The following ROCK2 variants were observed in gnomAD, a reference collection of about 807,000 sequenced individuals.
ROCK2 encodes the protein rho-associated protein kinase 2.
A neutral mutation model predicts 195.1 loss-of-function variants in ROCK2; 61 were observed. The observed-to-expected ratio is 0.31, with a 90% confidence interval of 0.25 to 0.39. The LOEUF (loss-of-function observed/expected upper bound fraction) is 0.39. Among genes scored for constraint, ROCK2 ranks in the 10% least tolerant of loss-of-function variants. The probability of loss-of-function intolerance (pLI) is 1.00; values close to 1 mark genes in which losing one functional copy is unlikely to be tolerated. For synonymous variants in ROCK2, 504 were observed against 545.5 expected, an observed-to-expected ratio of 0.92 and a Z score of 1.06; for missense variants, 1,109 against 1,637.4, an observed-to-expected ratio of 0.68 and a Z score of 5.57.
chr2:11,190,046 A>G (rs1250677886), intron 32 of ROCK2, among the ~76,000 whole-genome samples: 1 of 152,130 alleles, frequency 6.6e-6, no homozygotes, highest in Non-Finnish European at 1.5e-5. Context: ...CATGTAAGAG[A>G]TACAGACACA....
chr2:11,244,304 C>T (rs536836565), intron 4 of ROCK2, among the ~76,000 whole-genome samples: 1 of 152,052 alleles, frequency 6.6e-6, no homozygotes, highest in Admixed American at 6.5e-5. Context: ...TACCATCTGG[C>T]CCTTTACCAA....
At chr2:11,301,893 T>C (rs1667718592) in intron 1 of ROCK2, among the ~76,000 whole-genome samples, 1 of 152,070 alleles carries the variant, frequency 6.6e-6, no homozygotes, top group Admixed American at 6.6e-5. Flanking sequence ...ATTCCCTCTG[T>C]ATAAGTCATT....
chr2:11,281,227 A>C (rs1237369400), intron 3 of ROCK2, among the ~76,000 whole-genome samples: 3 of 151,576 alleles, frequency 2.0e-5, no homozygotes, highest in East Asian at 3.8e-4. Flanking sequence ...AAAAAAAAAA[A>C]AAAACCTCAG....
chr2:11,300,388 C>T (rs1203529266), intron 1 of ROCK2, among the ~76,000 whole-genome samples: 1 of 152,120 alleles, frequency 6.6e-6, no homozygotes, highest in African/African-American at 2.4e-5. Context: ...CTCAGCCTCC[C>T]AACTAGCTGG....
In ROCK2 at chr2:11,208,439, T is replaced by C. The variant is rs1446636508; in HGVS notation, c.2212A>G (p.Lys738Glu). The change falls in exon 19 of 33, where the codon AAG becomes GAG. Residue 738 changes from lysine to glutamate, a missense_variant. Lys to Glu is a moderately conservative substitution (Grantham distance 56). Transcript: ENST00000315872. ...AKSEAMKEME[K>E]KLLEERTLKQ... ...AAAGTTCTTTCCTCCAAGAGCTTCT[T>C]CTCCATTTCTAGTATAATAAAAATG... is the stretch of plus-strand genomic sequence containing the variant. 1 of 1,497,686 alleles carries C rather than the reference T, an allele frequency of 6.7e-7. No individual in the cohort carries two copies. The highest frequency in any genetic ancestry group is 1.4e-5 in the South Asian group (1 of 70,246). 92.8% of individuals were successfully genotyped at this position (1,497,686 alleles called of 1,614,324 possible).
chr2:11,215,932 T>C (rs995952001), intron 13 of ROCK2, among the ~76,000 whole-genome samples: 3 of 152,200 alleles, frequency 2.0e-5, no homozygotes, highest in Non-Finnish European at 4.4e-5. Context: ...AGCATTTTTT[T>C]CCCTTGAAAT....
chr2:11,243,386 A>C (rs970122830), intron 4 of ROCK2, among the ~76,000 whole-genome samples: 4 of 152,224 alleles, frequency 2.6e-5, no homozygotes, highest in African/African-American at 9.6e-5. Flanking sequence ...ATCTTCAATT[A>C]GAAATGATTA....
intron 1 of ROCK2, chr2:11,308,180 T>C: frequency 6.3e-7 from 1 of 1,596,674 alleles, no homozygotes; most frequent in Non-Finnish European, 8.6e-7. Flanking sequence ...AACACAATAA[T>C]TCTGAATTCA....
intron 30 of ROCK2, among the ~76,000 whole-genome samples, chr2:11,193,383 A>G (rs146009430): frequency 9.4e-4 from 143 of 152,304 alleles, no homozygotes; most frequent in African/African-American, 2.9e-3. Context: ...AATCGGAGGT[A>G]AAAGGGCTAC....
intron 1 of ROCK2, among the ~76,000 whole-genome samples, chr2:11,306,473 T>C (rs748934617): frequency 1.3e-5 from 2 of 152,232 alleles, no homozygotes; most frequent in African/African-American, 2.4e-5. Context: ...TAGCTCCTTA[T>C]TAAAATGCAA....
At chr2:11,208,998 G>A (rs1370770304) in intron 18 of ROCK2, among the ~76,000 whole-genome samples, 1 of 152,154 alleles carries the variant, frequency 6.6e-6, no homozygotes, top group Non-Finnish European at 1.5e-5. Context: ...TATTCTAATG[G>A]AAGCAAGATA....
At chr2:11,317,608 A>T (rs1206574715) in intron 1 of ROCK2, among the ~76,000 whole-genome samples, 1,474 of 15,826 alleles carry the variant, frequency 0.093, 116 homozygotes, top group East Asian at 0.44. Context: ...ATATATATAT[A>T]TATATTTTTT....
intron 1 of ROCK2, among the ~76,000 whole-genome samples, chr2:11,311,941 A>C (rs1668048831): frequency 6.6e-6 from 1 of 152,168 alleles, no homozygotes; most frequent in Non-Finnish European, 1.5e-5. Context: ...TCCAACTACA[A>C]ATATGTACAA....
intron 1 of ROCK2, among the ~76,000 whole-genome samples, chr2:11,342,943 T>G (rs958757498): frequency 1.3e-5 from 2 of 152,186 alleles, no homozygotes; most frequent in African/African-American, 4.8e-5. Context: ...AGCCAGTCCG[T>G]CCGTCCCTGG....
At position 11,344,286 on chromosome 2, in the gene ROCK2, T is replaced by G; in HGVS notation, c.-150A>C. ...CTCCGGCTTCGGGTCTCCAAGGCGGTCCCCCGCCTGGGGGCTGCTCCCAGG... is the reference window on the plus strand; with the variant it reads ...CTCCGGCTTCGGGTCTCCAAGGCGGGCCCCCGCCTGGGGGCTGCTCCCAGG... On this transcript the variant is annotated 5_prime_UTR_variant, in exon 1 of 33. Coordinates refer to ENST00000315872, the MANE Select transcript of ROCK2 (RefSeq NM_004850.5). The surrounding 1 kb of genome is among the most constrained non-coding windows in gnomAD (Gnocchi z 5.4). 8.1e-7 allele frequency: 1 copy of G among 1,240,158 alleles called. No individual in the cohort carries two copies. The highest frequency in any genetic ancestry group is 3.3e-5 in the South Asian group (1 of 29,994). The allele number at this position is 1,240,158 out of a possible 1,614,324, so 76.8% of individuals were successfully genotyped here. A position where few individuals can be genotyped will look rare whatever the true frequency, so the allele number is the denominator to read the frequency against.
rs956983796 is a variant in ROCK2 at position 11,343,877 on chromosome 2, A to C, written c.141+119T>G. The C allele has an allele frequency of 5.4e-6, 7 of 1,285,484 alleles. No individual in the cohort carries two copies. The African/African-American group carries it at 9.3e-5, about 17-fold the overall frequency. The allele number at this position is 1,285,484 out of a possible 1,614,324, so 79.6% of individuals were successfully genotyped here. A position where few individuals can be genotyped will look rare whatever the true frequency, so the allele number is the denominator to read the frequency against. On this transcript the variant is annotated intron_variant, in intron 1 of 32. Coordinates refer to ENST00000315872, the MANE Select transcript of ROCK2 (RefSeq NM_004850.5). ...GTCTCCGGCCCCGGCTGCCGGAAGC[A>C]GGGCGGGGTGGGGCAAGACCTCCCC...
Position 11,192,124 on chromosome 2 carries a change from C to A in ROCK2, c.4163+24G>T. On this transcript the variant is annotated intron_variant, in intron 32 of 32. Transcript: ENST00000315872. The surrounding 1 kb of genome is among the most constrained non-coding windows in gnomAD (Gnocchi z 5.0). ...ATATTTTAATAGACTTTTTTTTTTT[C>A]CTTACCACATTTTAGTTTATTACCT... 1 of 1,410,960 alleles carries A rather than the reference C, an allele frequency of 7.1e-7. No individual in the cohort carries two copies. The highest frequency in any genetic ancestry group is 9.6e-7 in the Non-Finnish European group (1 of 1,040,872). The allele number at this position is 1,410,960 out of a possible 1,614,324, so 87.4% of individuals were successfully genotyped here. A position where few individuals can be genotyped will look rare whatever the true frequency, so the allele number is the denominator to read the frequency against.
intron 9 of ROCK2, 39 bp from the exon 10 acceptor site, chr2:11,219,065 A>C: frequency 8.9e-7 from 1 of 1,126,234 alleles, no homozygotes; most frequent in Non-Finnish European, 1.3e-6. Flanking sequence ...TTTTCATTTC[A>C]TTTTAATCTA....
chr2:11,339,529 A>AG (rs1669038362), intron 1 of ROCK2, among the ~76,000 whole-genome samples: 1 of 78,936 alleles, frequency 1.3e-5, no homozygotes, highest in South Asian at 6.8e-4. Context: ...TTTCCATAAC[A>AG]GAAAAAAAAA....
Sources: allele counts gnomAD v4.1 joint callset (sites outside exome capture counted in the v4.1 genomes callset), GRCh38; gene constraint gnomAD v4.1.1; non-coding constraint Gnocchi (gnomAD v3.1); transcripts MANE v1.5; gene names NCBI Gene and HGNC (gene_info 2026-07-23, HGNC 2026-07-21).